Variants in KATNBL1 observed in about 807,000 individuals in gnomAD.
KATNBL1 encodes the protein KATNB1-like protein 1.
Under a neutral mutation model 44.7 loss-of-function variants are expected in KATNBL1, and 28 were observed. That is an observed-to-expected ratio of 0.63 (90% CI 0.46 to 0.86). The LOEUF (loss-of-function observed/expected upper bound fraction) is 0.86. Among genes scored for constraint, KATNBL1 ranks in the 40% least tolerant of loss-of-function variants. KATNBL1 has a pLI of 0.00. For missense variants in KATNBL1, 272 were observed against 350.7 expected, an observed-to-expected ratio of 0.78 and a Z score of 1.79; for synonymous variants, 78 against 114.9, an observed-to-expected ratio of 0.68 and a Z score of 2.06.
At chr15:34,167,862 A>G (rs1889030134) in intron 1 of KATNBL1, among the ~76,000 whole-genome samples, 1 of 152,228 alleles carries the variant, frequency 6.6e-6, no homozygotes, top group African/African-American at 2.4e-5. Context: ...AAGGAGAAAT[A>G]AAATCCTTTA....
intron 2 of KATNBL1, among the ~76,000 whole-genome samples, chr15:34,162,440 T>C (rs895445392): frequency 2.0e-5 from 3 of 152,194 alleles, no homozygotes; most frequent in African/African-American, 4.8e-5. Context: ...TGTGAGTCCA[T>C]TAAATCTCTT....
rs189872841 is a variant in KATNBL1 at position 34,153,116 on chromosome 15, T to A, written c.159-47A>T. On this transcript the variant is annotated intron_variant, in intron 3 of 9. Coordinates refer to ENST00000256544, the MANE Select transcript of KATNBL1 (RefSeq NM_024713.3). ...TTAAATGAAAAAGAACCATATGAAA[T>A]CCTTTAAAAGTTTTTAAACAGAGAA... The A allele has an allele frequency of 5.0e-5, 72 of 1,434,938 alleles. No homozygotes were observed. In the African/African-American group the frequency reaches 8.0e-4, roughly 16 times the overall value. The allele number at this position is 1,434,938 out of a possible 1,614,324, so 88.9% of individuals were successfully genotyped here. A position where few individuals can be genotyped will look rare whatever the true frequency, so the allele number is the denominator to read the frequency against.
chr15:34,191,502 T>A lies in KATNBL1; in HGVS notation c.-15+18449A>T, dbSNP rs531273945. On this transcript the variant is annotated intron_variant, in intron 1 of 9. Transcript: ENST00000256544. ...GTGTATGTTAAACTTTTAAAGAAAA[T>A]TGCCCAACTGTTTTTACAGTGATTA... 5.3e-5 allele frequency among the ~76,000 whole-genome samples: 8 copies of A among 152,144 alleles called. No individual in the cohort carries two copies. The South Asian group carries it at 1.7e-3, about 32-fold the overall frequency.
intron 7 of KATNBL1, 98 bp from the exon 8 acceptor site, chr15:34,146,948 T>C: frequency 1.3e-6 from 1 of 762,780 alleles, no homozygotes; most frequent in East Asian, 2.5e-5. Flanking sequence ...ACACACACAT[T>C]GGTCCCTTCC....
intron 1 of KATNBL1, among the ~76,000 whole-genome samples, chr15:34,204,510 T>C (rs968541809): frequency 1.3e-5 from 2 of 152,156 alleles, no homozygotes; most frequent in African/African-American, 4.8e-5. Context: ...AGAGAACCCA[T>C]GGATGCTGAG....
chr15:34,187,137 C>G (rs957380005), intron 1 of KATNBL1, among the ~76,000 whole-genome samples: 2 of 152,188 alleles, frequency 1.3e-5, no homozygotes, highest in African/African-American at 4.8e-5. Flanking sequence ...CCACCAGCTG[C>G]AGAGAGGAGT....
Position 34,166,351 on chromosome 15 carries a change from GAT to G in KATNBL1, c.-14-2663_-14-2662del, listed in dbSNP as rs1171813521. Among the ~76,000 whole-genome samples, 3 of 152,358 alleles carry G rather than the reference GAT, an allele frequency of 2.0e-5. No homozygotes were observed. The East Asian group carries it at 5.8e-4, about 29-fold the overall frequency. On this transcript the variant is annotated intron_variant, in intron 1 of 9. Transcript: ENST00000256544. Reference sequence around the variant, plus strand: ...GCTTACTGCCAGCGCAGCAGTCTGAGATAGACCTGCGAAGCAGCAGCCTGGCA... The same window carrying G: ...GCTTACTGCCAGCGCAGCAGTCTGAGAGACCTGCGAAGCAGCAGCCTGGCA...
chr15:34,148,429 T>C, intron 5 of KATNBL1: 1 of 370,058 alleles, frequency 2.7e-6, no homozygotes, highest in South Asian at 3.5e-5. Context: ...CCAAAAAATT[T>C]TTTTAAAAAA....
Position 34,141,301 on chromosome 15 carries a change from G to C in KATNBL1, c.*1038C>G, listed in dbSNP as rs1286480109. 1 of 152,536 alleles carries C rather than the reference G, an allele frequency of 6.6e-6. No homozygotes were observed. Among genetic ancestry groups the C allele is most frequent in the East Asian group, 1.9e-4 (1 of 5,186 alleles). The allele number at this position is 152,536 out of a possible 1,614,324, so 9.4% of individuals were successfully genotyped here. A position where few individuals can be genotyped will look rare whatever the true frequency, so the allele number is the denominator to read the frequency against. ...TTAAAATACAAGATCAGCATTAACT[G>C]TAAACCATTCTAAATCACTGTATGT... On this transcript the variant is annotated 3_prime_UTR_variant, in exon 10 of 10. Transcript: ENST00000256544.
chr15:34,143,793 C>CAAAAAAAAAAAA (rs560420668), intron 9 of KATNBL1, among the ~76,000 whole-genome samples: 10 of 64,102 alleles, frequency 1.6e-4, no homozygotes, highest in Admixed American at 2.1e-4. Context: ...ACTAAAAATA[C>CAAAAAAAAAAAA]AAAAAAAAAA....
intron 1 of KATNBL1, among the ~76,000 whole-genome samples, chr15:34,168,311 T>TTAG (rs1335008010): frequency 6.6e-6 from 1 of 151,960 alleles, no homozygotes; most frequent in East Asian, 1.9e-4. Context: ...TAAACAGACT[T>TTAG]TAAGCCAACA....
intron 2 of KATNBL1, among the ~76,000 whole-genome samples, chr15:34,156,713 C>T (rs1888649869): frequency 6.6e-6 from 1 of 152,148 alleles, no homozygotes; most frequent in African/African-American, 2.4e-5. Context: ...CTCCTGAAAC[C>T]TCAGCCCCCA....
intron 1 of KATNBL1, among the ~76,000 whole-genome samples, chr15:34,206,049 G>A (rs934055289): frequency 2.6e-5 from 4 of 152,100 alleles, no homozygotes; most frequent in East Asian, 1.9e-4. Context: ...ATAGATTCTC[G>A]ACCTTGGAGA....
intron 2 of KATNBL1, among the ~76,000 whole-genome samples, chr15:34,156,910 C>CT (rs1888655481): frequency 1.3e-5 from 2 of 152,152 alleles, no homozygotes; most frequent in Admixed American, 1.3e-4. Context: ...TATTCTTGCT[C>CT]TTTAGTGGTC....
chr15:34,196,676 T>C (rs1890038648), intron 1 of KATNBL1, among the ~76,000 whole-genome samples: 1 of 151,944 alleles, frequency 6.6e-6, no homozygotes. Flanking sequence ...TGCAGTGAGC[T>C]GAGATTGCAC....
rs185416361 is a variant in KATNBL1, at chr15:34,149,190, A to C, written c.439-440T>G. The stretch of plus-strand genomic sequence containing the variant: ...TCATTTTCCTGTTCTAATGTGTTTA[A>C]CACAGAACTATGTAAGATAAAAAGT... On this transcript the variant is annotated intron_variant, in intron 4 of 9. Coordinates refer to ENST00000256544, the MANE Select transcript of KATNBL1 (RefSeq NM_024713.3). 2.1e-3 allele frequency among the ~76,000 whole-genome samples: 319 copies of C among 152,334 alleles called. 1 individual carries two copies. Among genetic ancestry groups the C allele is most frequent in the African/African-American group, 7.2e-3 (299 of 41,582 alleles).
chr15:34,145,087 T>G (rs147161684), intron 9 of KATNBL1: 5 of 1,034,504 alleles, frequency 4.8e-6, no homozygotes, highest in Admixed American at 1.0e-4. Flanking sequence ...CGTCTTGTTT[T>G]CTGATGCTGT....
At chr15:34,187,005 G>A (rs1889735807) in intron 1 of KATNBL1, among the ~76,000 whole-genome samples, 1 of 152,234 alleles carries the variant, frequency 6.6e-6, no homozygotes, top group Non-Finnish European at 1.5e-5. Context: ...CAAAAGCCCT[G>A]GGCTCAGCCA....
At chr15:34,163,132 C>T (rs957162110) in intron 2 of KATNBL1, among the ~76,000 whole-genome samples, 12 of 151,578 alleles carry the variant, frequency 7.9e-5, no homozygotes, top group African/African-American at 2.2e-4. Flanking sequence ...CAACTTCCAC[C>T]GCCCGGGTTC....
Sources: allele counts gnomAD v4.1 joint callset (sites outside exome capture counted in the v4.1 genomes callset), GRCh38; gene constraint gnomAD v4.1.1; transcripts MANE v1.5; gene names NCBI Gene and HGNC (gene_info 2026-07-23, HGNC 2026-07-21).